ZCWPW2: variants seen among roughly 807,000 people sequenced by gnomAD.
ZCWPW2 encodes zinc finger CW-type PWWP domain protein 2.
In ZCWPW2, 45 loss-of-function variants were observed where a neutral mutation model predicts 46.6. The observed-to-expected ratio is 0.96, with a 90% CI of 0.76 to 1.24. ZCWPW2 has a LOEUF of 1.24. Ranked by LOEUF, ZCWPW2 falls within the 50% of genes most tolerant of loss-of-function variation. The pLI is 0.00. For synonymous variants in ZCWPW2, 152 were observed against 137.1 expected (o/e 1.11, Z -0.76); for missense variants, 429 against 403.9 (o/e 1.06, Z -0.53).
chr3:28,354,261 T>C lies in ZCWPW2; in HGVS notation c.-134+5058T>C, dbSNP rs149682887. Among the ~76,000 whole-genome samples, 382 of 151,390 alleles carry C rather than the reference T, an allele frequency of 2.5e-3. 1 individual carries two copies. Among genetic ancestry groups the C allele is most frequent in the African/African-American group, 8.4e-3 (346 of 41,282 alleles). ...AATAAACTAGAAAATCTAGAAGAAA[T>C]GGATAAATTCCTGGACACATACACC... On this transcript the variant is annotated intron_variant, in intron 1 of 9. Coordinates refer to ENST00000383768, the MANE Select transcript of ZCWPW2 (RefSeq NM_001040432.4).
rs141361025 is a variant in ZCWPW2, at chr3:28,376,446, CA to C, written c.-133-14051del. Among the ~76,000 whole-genome samples, 1,521 of 152,190 alleles carry C rather than the reference CA, an allele frequency of 1.0e-2. 24 individuals carry two copies. Among genetic ancestry groups the C allele is most frequent in the African/African-American group, 0.035 (1,449 of 41,546 alleles). On this transcript the variant is annotated intron_variant, in intron 1 of 9. Transcript: ENST00000383768. ...TTGGATAGATTTATGTTTGGAGTTT[CA>C]TTCTAGAGGTATGAGTCTATTGCAC...
chr3:28,518,254 T>C (rs934535572), intron 8 of ZCWPW2, among the ~76,000 whole-genome samples: 1 of 150,990 alleles, frequency 6.6e-6, no homozygotes, highest in Admixed American at 6.6e-5. Flanking sequence ...GCCGTAATGC[T>C]ACCACTTCAC....
chr3:28,524,731 C>A lies in ZCWPW2; in HGVS notation c.*43C>A. ...AAATTAATTATAAAAATATTGGCATCTTTATATTTATCCAAAGTTAAAACT... is the reference window on the plus strand; with the variant it reads ...AAATTAATTATAAAAATATTGGCATATTTATATTTATCCAAAGTTAAAACT... On this transcript the variant is annotated 3_prime_UTR_variant, in exon 10 of 10. Coordinates refer to ENST00000383768, the MANE Select transcript of ZCWPW2 (RefSeq NM_001040432.4). The A allele has an allele frequency of 2.2e-6, 3 of 1,370,126 alleles. No homozygotes were observed. The highest frequency in any genetic ancestry group is 2.9e-6 in the Non-Finnish European group (3 of 1,034,902). 84.9% of individuals were successfully genotyped at this position (1,370,126 alleles called of 1,614,324 possible).
At chr3:28,350,053 A>G (rs963348475) in intron 1 of ZCWPW2, among the ~76,000 whole-genome samples, 1 of 152,220 alleles carries the variant, frequency 6.6e-6, no homozygotes, top group Non-Finnish European at 1.5e-5. Flanking sequence ...TTGAGAAAGG[A>G]AACGATTTGC....
chr3:28,380,522 T>A (rs1246739488), intron 1 of ZCWPW2, among the ~76,000 whole-genome samples: 1 of 152,206 alleles, frequency 6.6e-6, no homozygotes, highest in East Asian at 1.9e-4. Context: ...ATTTCATCTT[T>A]ACTATAAACC....
At chr3:28,483,958 A>G (rs926308162) in intron 5 of ZCWPW2, among the ~76,000 whole-genome samples, 3 of 152,076 alleles carry the variant, frequency 2.0e-5, no homozygotes, top group African/African-American at 7.2e-5. Context: ...CCAAATGTGT[A>G]TATCTTTTAT....
chr3:28,434,274 T>A (rs915742012), intron 3 of ZCWPW2, among the ~76,000 whole-genome samples: 21 of 152,222 alleles, frequency 1.4e-4, no homozygotes, highest in Admixed American at 7.8e-4. Context: ...AGACTCCATA[T>A]AGAATTATTA....
chr3:28,349,265 GGTGCGTCTTTTTCACTCA>G, intron 1 of ZCWPW2, 62 bp downstream of exon 1: 1 of 945,232 alleles, frequency 1.1e-6, no homozygotes, highest in Non-Finnish European at 1.3e-6. Flanking sequence ...GGCGCCCTCT[GGTGCGTCTTTTTCACTCA>G]GTGTCCTTTT....
chr3:28,380,970 ATTTGGT>A (rs1695047913), intron 1 of ZCWPW2, among the ~76,000 whole-genome samples: 3 of 14,476 alleles, frequency 2.1e-4, no homozygotes, highest in Non-Finnish European at 3.4e-4. Flanking sequence ...ATATATATAT[ATTTGGT>A]ATATATATAT....
intron 1 of ZCWPW2, among the ~76,000 whole-genome samples, chr3:28,366,595 TA>T (rs1705127258): frequency 6.9e-6 from 1 of 144,670 alleles, no homozygotes. Flanking sequence ...GATATTGGTC[TA>T]AAATTCTCTT....
At chr3:28,430,372 T>C (rs1228233681) in intron 3 of ZCWPW2, among the ~76,000 whole-genome samples, 1 of 152,240 alleles carries the variant, frequency 6.6e-6, no homozygotes, top group Non-Finnish European at 1.5e-5. Context: ...ATTTCTTATT[T>C]GGAATGAGTG....
intron 4 of ZCWPW2, among the ~76,000 whole-genome samples, chr3:28,475,217 T>C (rs965016744): frequency 2.0e-5 from 3 of 152,064 alleles, no homozygotes; most frequent in Non-Finnish European, 2.9e-5. Context: ...AATTCCATCC[T>C]TTTGCCCGCT....
At chr3:28,398,538 C>T (rs764976118) in intron 2 of ZCWPW2, among the ~76,000 whole-genome samples, 3 of 152,224 alleles carry the variant, frequency 2.0e-5, no homozygotes, top group South Asian at 2.1e-4. Context: ...ATCAAGAAAC[C>T]TGAGAGGATC....
chr3:28,376,985 T>A (rs1705519208), intron 1 of ZCWPW2, among the ~76,000 whole-genome samples: 1 of 152,140 alleles, frequency 6.6e-6, no homozygotes, highest in Non-Finnish European at 1.5e-5. Context: ...TTATATTCTT[T>A]ATTCCTTAGT....
chr3:28,405,515 G>T (rs1317855777), intron 2 of ZCWPW2, among the ~76,000 whole-genome samples: 1 of 152,150 alleles, frequency 6.6e-6, no homozygotes, highest in Non-Finnish European at 1.5e-5. Flanking sequence ...CACTCTTGTT[G>T]CCTAGGCTGG....
At chr3:28,483,186 A>T (rs2125808578) in intron 5 of ZCWPW2, among the ~76,000 whole-genome samples, 1 of 152,172 alleles carries the variant, frequency 6.6e-6, no homozygotes, top group Non-Finnish European at 1.5e-5. Context: ...TCAGTGTCTA[A>T]ATTTACTTTT....
intron 4 of ZCWPW2, among the ~76,000 whole-genome samples, chr3:28,458,181 A>G (rs1452011131): frequency 1.3e-5 from 2 of 152,172 alleles, no homozygotes; most frequent in East Asian, 3.9e-4. Context: ...TCTGTTATGA[A>G]TTACAGCTCT....
At chr3:28,509,798 G>A (rs528549207) in intron 6 of ZCWPW2, among the ~76,000 whole-genome samples, 31 of 151,830 alleles carry the variant, frequency 2.0e-4, no homozygotes, top group Non-Finnish European at 3.5e-4. Flanking sequence ...GATTGTGTCC[G>A]TTAAAATCAC....
At chr3:28,380,277 C>T (rs1213237422) in intron 1 of ZCWPW2, among the ~76,000 whole-genome samples, 1 of 152,134 alleles carries the variant, frequency 6.6e-6, no homozygotes, top group African/African-American at 2.4e-5. Context: ...AGCCACCACG[C>T]CCGGCCAGTT....
Sources: allele counts gnomAD v4.1 joint callset (sites outside exome capture counted in the v4.1 genomes callset), GRCh38; gene constraint gnomAD v4.1.1; transcripts MANE v1.5; gene names NCBI Gene and HGNC (gene_info 2026-07-23, HGNC 2026-07-21).